The following FNTA variants were observed in gnomAD, a reference collection of about 807,000 sequenced individuals.
FNTA encodes the protein protein farnesyltransferase/geranylgeranyltransferase type-1 subunit alpha.
A neutral mutation model predicts 55.2 loss-of-function variants in FNTA; 27 were observed. That is an observed-to-expected ratio of 0.49 (90% CI 0.36 to 0.67). The LOEUF is 0.67. Ranked by LOEUF, FNTA falls within the 30% of genes least tolerant of loss-of-function variation. The probability of loss-of-function intolerance (pLI) is 0.00; values close to 1 mark genes in which losing one functional copy is unlikely to be tolerated. For missense variants in FNTA, 422 were observed against 464.7 expected (o/e 0.91, Z 0.85); for synonymous variants, 176 against 170.7 (o/e 1.03, Z -0.24).
intron 3 of FNTA, 100 bp from the exon 4 acceptor site, chr8:43,069,455 A>G (rs1810735938): frequency 2.7e-6 from 2 of 742,032 alleles, no homozygotes; most frequent in Non-Finnish European, 2.3e-6. Flanking sequence ...CCTGCCAAAA[A>G]TTTGTCTAAC....
chr8:43,078,194 C>T (rs1170414902), intron 6 of FNTA: 1 of 152,190 alleles, frequency 6.6e-6, no homozygotes. Context: ...TAATCCATGT[C>T]TCACCTTAAC....
intron 5 of FNTA, among the ~76,000 whole-genome samples, chr8:43,072,707 G>T (rs913648985): frequency 6.6e-6 from 1 of 152,108 alleles, no homozygotes; most frequent in Non-Finnish European, 1.5e-5. Context: ...ACCCTGGGCA[G>T]CAGAGTGAGA....
Position 43,056,501 on chromosome 8 carries a change from A to G in FNTA, c.155A>G (p.Asp52Gly). The change falls in exon 1 of 9, where the codon GAC becomes GGC. Residue 52 changes from aspartate to glycine, a missense_variant. Asp to Gly is a moderately conservative substitution (Grantham distance 94). This residue lies in a region of FNTA where 160 missense variants were observed against 121.6 expected (regional missense o/e 1.32). Coordinates refer to ENST00000302279, the MANE Select transcript of FNTA (RefSeq NM_002027.3). ...EAGEAVASPM[D>G]DGFVSLDSPS... ...GGGGAAGCCGTGGCGTCCCCCATGG[A>G]CGACGGGTTTGTGAGCCTGGACTCG... 1.3e-6 allele frequency: 2 copies of G among 1,571,324 alleles called. No homozygotes were observed. Among genetic ancestry groups the G allele is most frequent in the Non-Finnish European group, 8.6e-7 (1 of 1,162,256 alleles).
At chr8:43,065,252 G>GT (rs1810628828) in intron 3 of FNTA, among the ~76,000 whole-genome samples, 1 of 141,978 alleles carries the variant, frequency 7.0e-6, no homozygotes. Flanking sequence ...TTTTTTTTTT[G>GT]TTTGTTTGTT....
chr8:43,064,524 A>G (rs1319466604), intron 3 of FNTA, among the ~76,000 whole-genome samples: 2 of 152,056 alleles, frequency 1.3e-5, no homozygotes. Flanking sequence ...CATGTTGGCC[A>G]AGCTGGTCTT....
At chr8:43,065,252 G>A (rs1430907414) in intron 3 of FNTA, among the ~76,000 whole-genome samples, 2 of 141,978 alleles carry the variant, frequency 1.4e-5, no homozygotes, top group African/African-American at 5.2e-5. Context: ...TTTTTTTTTT[G>A]TTTGTTTGTT....
chr8:43,067,835 G>A (rs993812190), intron 3 of FNTA, among the ~76,000 whole-genome samples: 1 of 151,888 alleles, frequency 6.6e-6, no homozygotes. Flanking sequence ...TTCTCGTGCT[G>A]CAGTGTCGCG....
At chr8:43,081,761 A>G (rs564491641) in intron 6 of FNTA, 3 of 152,326 alleles carry the variant, frequency 2.0e-5, no homozygotes, top group African/African-American at 7.2e-5. Flanking sequence ...ATGAGGTCTC[A>G]CTATGTTGCC....
At position 43,085,283 on chromosome 8, in the gene FNTA, C is replaced by A. The variant is rs371907116; in HGVS notation, c.*1C>A. 1.9e-6 allele frequency: 3 copies of A among 1,600,608 alleles called. No homozygotes were observed. Among genetic ancestry groups the A allele is most frequent in the African/African-American group, 2.7e-5 (2 of 74,036 alleles). On this transcript the variant is annotated 3_prime_UTR_variant, in exon 9 of 9. Transcript: ENST00000302279. Reference sequence around the variant, plus strand: ...CTCACCAACAAATGTACAGCAATAACACCATCCAGAAGAACTTGATGGAAT... The same window carrying A: ...CTCACCAACAAATGTACAGCAATAAAACCATCCAGAAGAACTTGATGGAAT...
At position 43,077,340 on chromosome 8, in the gene FNTA, G is replaced by T; in HGVS notation, c.758G>T (p.Arg253Leu). ...TCTAACACCACTGGCTACAATGATC[G>T]TGCTGTATTGGAGAGAGAAGTCCAG... Reference protein sequence around the residue: ...VISNTTGYNDRAVLEREVQYT... With the variant: ...VISNTTGYNDLAVLEREVQYT... Residue 253 changes from arginine (R) to leucine (L), a missense_variant, in exon 6 of 9, where the codon CGT (arginine) becomes CTT (leucine). By Grantham distance (102) the Arg-to-Leu change is moderately radical. Around this residue, in one of 2 missense-constraint regions of FNTA, gnomAD observed 262 missense variants for 343.1 expected, o/e 0.76. Transcript: ENST00000302279. The T allele has an allele frequency of 1.2e-6, 2 of 1,612,488 alleles. No homozygotes were observed. The highest frequency in any genetic ancestry group is 1.7e-6 in the Non-Finnish European group (2 of 1,179,162).
chr8:43,075,545 G>T (rs1810891046), intron 5 of FNTA, among the ~76,000 whole-genome samples: 1 of 151,820 alleles, frequency 6.6e-6, no homozygotes, highest in Non-Finnish European at 1.5e-5. Context: ...CCTGGGTGTG[G>T]TGGCTCATGC....
chr8:43,059,632 C>G (rs1046283225), intron 2 of FNTA, among the ~76,000 whole-genome samples: 2 of 151,810 alleles, frequency 1.3e-5, no homozygotes, highest in African/African-American at 2.4e-5. Context: ...TTTTCTTTGA[C>G]AAAATATTCT....
intron 2 of FNTA, among the ~76,000 whole-genome samples, chr8:43,061,656 C>T (rs1202922593): frequency 2.6e-5 from 4 of 151,986 alleles, no homozygotes; most frequent in Non-Finnish European, 5.9e-5. Context: ...GAACAGATCT[C>T]AGAAACAATG....
intron 2 of FNTA, among the ~76,000 whole-genome samples, chr8:43,062,495 T>C (rs1810558494): frequency 6.6e-6 from 1 of 152,100 alleles, no homozygotes; most frequent in African/African-American, 2.4e-5. Context: ...TTGGTCAGGC[T>C]GGTCTTGAGC....
chr8:43,064,911 A>G (rs1486450470), intron 3 of FNTA, among the ~76,000 whole-genome samples: 1 of 149,184 alleles, frequency 6.7e-6, no homozygotes, highest in Non-Finnish European at 1.5e-5. Context: ...ATCTTGGCTC[A>G]CTGCAACCTC....
intron 1 of FNTA, among the ~76,000 whole-genome samples, chr8:43,058,109 T>G (rs1320073298): frequency 6.6e-6 from 1 of 152,212 alleles, no homozygotes; most frequent in African/African-American, 2.4e-5. Context: ...AAGTAGTCAT[T>G]GAATGCCGCC....
chr8:43,059,567 G>A (rs1810485821), intron 2 of FNTA, among the ~76,000 whole-genome samples: 1 of 152,164 alleles, frequency 6.6e-6, no homozygotes, highest in African/African-American at 2.4e-5. Context: ...TATTTTGGCA[G>A]TGAAGTGTTC....
rs143829409 is a variant in FNTA at position 43,069,556 on chromosome 8, C to T, written c.403C>T (p.His135Tyr). The T allele has an allele frequency of 2.5e-6, 4 of 1,598,980 alleles. No homozygotes were observed. Among genetic ancestry groups the T allele is most frequent in the Non-Finnish European group, 3.4e-6 (4 of 1,166,682 alleles). ...TTGGATGTTGTATGTTTGCCCTAGGCATTTCCGGAGAGTTCTTTTGAAGTC... is the reference window on the plus strand; with the variant it reads ...TTGGATGTTGTATGTTTGCCCTAGGTATTTCCGGAGAGTTCTTTTGAAGTC... ...ELNAANYTVWHFRRVLLKSLQ... is the reference protein window; with the variant it reads ...ELNAANYTVWYFRRVLLKSLQ... The change falls in exon 4 of 9, where the codon CAT (histidine) becomes TAT (tyrosine). Residue 135 changes from histidine (H) to tyrosine (Y), a missense_variant and splice_region_variant. Transcript: ENST00000302279.
intron 3 of FNTA, among the ~76,000 whole-genome samples, chr8:43,066,745 C>T (rs73675450): frequency 0.014 from 2,202 of 152,210 alleles, 63 homozygotes; most frequent in African/African-American, 0.05. Context: ...TGATTGGAAG[C>T]CCTGTGTGTG....
Sources: gnomAD v4.1 joint callset for allele counts (sites outside exome capture counted in the v4.1 genomes callset) on GRCh38, gnomAD v4.1.1 for gene constraint, gnomAD v4.1.1 regional missense constraint, MANE v1.5 for transcripts, NCBI Gene and HGNC (gene_info 2026-07-23, HGNC 2026-07-21) for gene names.